ANO2: variants seen among roughly 807,000 people sequenced by gnomAD.
ANO2 encodes anoctamin 2.
A neutral mutation model predicts 124.2 loss-of-function variants in ANO2; 101 were observed. The ratio of observed to expected loss-of-function variants is 0.81; its 90% confidence interval spans 0.69 to 0.96. The LOEUF (loss-of-function observed/expected upper bound fraction) is 0.96, where lower values mean the gene tolerates loss of function less well. Ranked by LOEUF, ANO2 falls within the 40% of genes least tolerant of loss-of-function variation. The pLI is 0.00. For synonymous variants in ANO2, 486 were observed against 482.5 expected, an observed-to-expected ratio of 1.01 and a Z score of -0.09; for missense variants, 1,293 against 1,274.5, an observed-to-expected ratio of 1.01 and a Z score of -0.22.
chr12:5,588,354 C>G (rs1332387099), intron 20 of ANO2, among the ~76,000 whole-genome samples: 1 of 152,214 alleles, frequency 6.6e-6, no homozygotes, highest in East Asian at 1.9e-4. Context: ...AGGGAGGAAG[C>G]CTCACTTCAT....
intron 16 of ANO2, among the ~76,000 whole-genome samples, chr12:5,620,574 G>GCAGGAGTTGAATTGGAATTCTA (rs1173195655): frequency 6.6e-6 from 1 of 151,972 alleles, no homozygotes; most frequent in Non-Finnish European, 1.5e-5. Context: ...GAATTCTATA[G>GCAGGAGTTGAATTGGAATTCTA]CAGGAGTTGA....
intron 14 of ANO2, among the ~76,000 whole-genome samples, chr12:5,713,296 T>C (rs901524623): frequency 6.6e-6 from 1 of 152,238 alleles, no homozygotes; most frequent in Non-Finnish European, 1.5e-5. Flanking sequence ...AACTGGGTTG[T>C]TCAAAAGTGG....
At chr12:5,933,462 G>T (rs140217157) in intron 1 of ANO2, among the ~76,000 whole-genome samples, 1 of 152,292 alleles carries the variant, frequency 6.6e-6, no homozygotes, top group African/African-American at 2.4e-5. Context: ...CTGTAGTGAG[G>T]ATAAATGAGG....
At chr12:5,867,778 G>GA (rs10622876) in intron 3 of ANO2, among the ~76,000 whole-genome samples, 22,581 of 78,224 alleles carry the variant, frequency 0.29, 3,775 homozygotes, top group African/African-American at 0.39. Flanking sequence ...GCACTATAAT[G>GA]AAAAAAAAAA....
intron 19 of ANO2, 82 bp from the exon 20 acceptor site, chr12:5,599,711 A>C (rs1591704358): frequency 6.7e-7 from 1 of 1,483,152 alleles, no homozygotes; most frequent in Non-Finnish European, 9.2e-7. Flanking sequence ...AAAAGAACAC[A>C]AAAGTTTTGA....
chr12:5,845,115 A>C (rs1175835923), intron 4 of ANO2, among the ~76,000 whole-genome samples: 3 of 151,806 alleles, frequency 2.0e-5, no homozygotes, highest in Non-Finnish European at 4.4e-5. Context: ...TCTACCAAAA[A>C]TTAGCCAGGC....
chr12:5,588,157 T>C (rs1430288786), intron 20 of ANO2, among the ~76,000 whole-genome samples: 1 of 151,778 alleles, frequency 6.6e-6, no homozygotes, highest in Non-Finnish European at 1.5e-5. Context: ...GTCCAAGACA[T>C]GGGCCCTTCT....
intron 7 of ANO2, among the ~76,000 whole-genome samples, chr12:5,826,437 C>CATAT (rs10526567): frequency 0.014 from 1,951 of 143,360 alleles, 14 homozygotes; most frequent in African/African-American, 0.028. Flanking sequence ...TTAATAAACT[C>CATAT]ATATATATAT....
chr12:5,729,126 T>G (rs1157899628), intron 14 of ANO2, among the ~76,000 whole-genome samples: 9 of 152,164 alleles, frequency 5.9e-5, no homozygotes, highest in African/African-American at 1.7e-4. Context: ...ATTAGATAAA[T>G]TGAACTATTT....
At chr12:5,854,398 C>CAAAAAAAAAAA (rs56030072) in intron 3 of ANO2, among the ~76,000 whole-genome samples, 1 of 76,106 alleles carries the variant, frequency 1.3e-5, no homozygotes, top group Non-Finnish European at 2.2e-5. Flanking sequence ...AGCTTCAGAG[C>CAAAAAAAAAAA]AAAAAAAAAA....
At chr12:5,682,340 TC>T (rs1555130161) in intron 14 of ANO2, among the ~76,000 whole-genome samples, 2 of 59,728 alleles carry the variant, frequency 3.3e-5, no homozygotes. Flanking sequence ...TTTCTCTTTC[TC>T]TCTCTCTCTC....
Position 5,682,372 on chromosome 12 carries a change from TCTCC to T in ANO2, c.1546-34575_1546-34572del, listed in dbSNP as rs1591893720. Among the ~76,000 whole-genome samples, 4 of 152,080 alleles carry T rather than the reference TCTCC, an allele frequency of 2.6e-5. No homozygotes were observed. In the East Asian group the frequency reaches 7.7e-4, roughly 29 times the overall value. On this transcript the variant is annotated intron_variant, in intron 14 of 24. Transcript: ENST00000682330. Reference sequence around the variant, plus strand: ...CTCTCTCTCTCTCTGTCTGTCTCTCTCTCCTACTCCTCCACCCCAGCTCTCTCAG... The same window carrying T: ...CTCTCTCTCTCTCTGTCTGTCTCTCTTACTCCTCCACCCCAGCTCTCTCAG...
chr12:5,869,168 T>C (rs933926177), intron 3 of ANO2, among the ~76,000 whole-genome samples: 2 of 152,038 alleles, frequency 1.3e-5, no homozygotes, highest in Admixed American at 1.3e-4. Flanking sequence ...AGCAGGGCCA[T>C]TCGCACTCTC....
intron 7 of ANO2, among the ~76,000 whole-genome samples, chr12:5,821,426 T>C (rs1450810520): frequency 6.6e-6 from 1 of 152,234 alleles, no homozygotes; most frequent in Non-Finnish European, 1.5e-5. Flanking sequence ...TATGAAAGGC[T>C]GCCAGTTTTG....
At chr12:5,887,784 C>A (rs1000612140) in intron 3 of ANO2, among the ~76,000 whole-genome samples, 1 of 152,096 alleles carries the variant, frequency 6.6e-6, no homozygotes, top group Non-Finnish European at 1.5e-5. Flanking sequence ...ATCCTCTGTG[C>A]CCCTCACATA....
intron 4 of ANO2, among the ~76,000 whole-genome samples, chr12:5,850,061 C>G (rs1335525917): frequency 6.6e-6 from 1 of 152,106 alleles, no homozygotes; most frequent in Non-Finnish European, 1.5e-5. Flanking sequence ...TTATATCCCC[C>G]CTCATCTGTG....
In ANO2 at chr12:5,563,047, C is replaced by T. The variant is rs528911330; in HGVS notation, c.*252G>A. 1 of 552,886 alleles carries T rather than the reference C, an allele frequency of 1.8e-6. No homozygotes were observed. Among genetic ancestry groups the T allele is most frequent in the Admixed American group, 3.2e-5 (1 of 31,076 alleles). 34.2% of individuals were successfully genotyped at this position (552,886 alleles called of 1,614,324 possible). The stretch of plus-strand genomic sequence containing the variant: ...GAGAGACCCCAGTGGGGTTCCAATC[C>T]CTCAAAAGGATGCAGCTTAAAAGGG... On this transcript the variant is annotated 3_prime_UTR_variant, in exon 25 of 25. Transcript: ENST00000682330.
intron 3 of ANO2, among the ~76,000 whole-genome samples, chr12:5,909,655 G>A (rs1940922559): frequency 6.6e-6 from 1 of 152,226 alleles, no homozygotes; most frequent in Admixed American, 6.5e-5. Flanking sequence ...CGGAGAGGCA[G>A]CTGCACAGCA....
At chr12:5,649,161 AG>A (rs1380635322) in intron 14 of ANO2, among the ~76,000 whole-genome samples, 1 of 152,114 alleles carries the variant, frequency 6.6e-6, no homozygotes, top group East Asian at 1.9e-4. Context: ...TTTGGGAGTG[AG>A]GGTTATCTTG....
Sources: allele counts gnomAD v4.1 joint callset (sites outside exome capture counted in the v4.1 genomes callset), GRCh38; gene constraint gnomAD v4.1.1; transcripts MANE v1.5; gene names NCBI Gene and HGNC (gene_info 2026-07-23, HGNC 2026-07-21).